The following SLC1A3 variants were observed in gnomAD, a reference collection of about 807,000 sequenced individuals.
The protein encoded by SLC1A3 is solute carrier family 1 member 3, also known as excitatory amino acid transporter 1.
In SLC1A3, 21 loss-of-function variants were observed where a neutral mutation model predicts 48.1. The observed-to-expected ratio is 0.44, with a 90% CI of 0.31 to 0.63. SLC1A3 has a LOEUF of 0.63. SLC1A3 is among the 20% of genes least tolerant of loss of function. SLC1A3 has a pLI of 0.08. For missense variants in SLC1A3, 546 were observed against 689.0 expected, an observed-to-expected ratio of 0.79 and a Z score of 2.32; for synonymous variants, 239 against 251.4, an observed-to-expected ratio of 0.95 and a Z score of 0.47.
chr5:36,622,778 G>A (rs1044134412), intron 2 of SLC1A3, among the ~76,000 whole-genome samples: 6 of 152,224 alleles, frequency 3.9e-5, no homozygotes, highest in Admixed American at 6.5e-5. Context: ...TTGGGAGGCC[G>A]AGGTGGGCAG....
At chr5:36,607,461 T>G (rs1045562564) in intron 1 of SLC1A3, 3 of 152,226 alleles carry the variant, frequency 2.0e-5, no homozygotes, top group African/African-American at 7.2e-5. Context: ...GCGTGAGTGC[T>G]TTAAAGAAAC....
intron 4 of SLC1A3, among the ~76,000 whole-genome samples, chr5:36,673,294 G>T (rs2111939917): frequency 1.3e-5 from 2 of 152,234 alleles, no homozygotes; most frequent in Middle Eastern, 3.4e-3. Context: ...TTTCATCTTG[G>T]AGCTCTAATG....
intron 2 of SLC1A3, among the ~76,000 whole-genome samples, chr5:36,619,294 A>C (rs1470053021): frequency 2.6e-5 from 4 of 152,232 alleles, no homozygotes; most frequent in African/African-American, 9.6e-5. Flanking sequence ...AGGGACCAGC[A>C]GAACTCTTAC....
At chr5:36,674,182 G>A (rs1742109464) in intron 5 of SLC1A3, 91 bp downstream of exon 5, 4 of 1,029,394 alleles carry the variant, frequency 3.9e-6, no homozygotes, top group Non-Finnish European at 6.1e-6. Context: ...TCATTTCTCT[G>A]CTATAAGAAA....
In SLC1A3 at chr5:36,637,642, T is replaced by G. The variant is rs377518227; in HGVS notation, c.319+8055T>G. On this transcript the variant is annotated intron_variant, in intron 3 of 9. Transcript: ENST00000265113. The stretch of plus-strand genomic sequence containing the variant: ...TTCAGAATGCTGTGGAACTGCAGGT[T>G]TCTTCTGCTGATATCATGGTTTCCA... Among the ~76,000 whole-genome samples the G allele has an allele frequency of 4.3e-4, 65 of 152,326 alleles. 1 individual carries two copies. Among genetic ancestry groups the G allele is most frequent in the African/African-American group, 1.4e-3 (60 of 41,584 alleles).
intron 3 of SLC1A3, chr5:36,668,367 T>C (rs1324725934): frequency 6.6e-6 from 1 of 152,296 alleles, no homozygotes; most frequent in African/African-American, 2.4e-5. Context: ...TTAAGGCCAT[T>C]GTGTGTGAAC....
Position 36,674,503 on chromosome 5 carries a change from G to GT in SLC1A3, c.567+423dup, listed in dbSNP as rs11361098. 1.1e-3 allele frequency among the ~76,000 whole-genome samples: 164 copies of GT among 147,474 alleles called. 1 individual carries two copies. In the East Asian group the frequency reaches 0.024, roughly 22 times the overall value. The stretch of plus-strand genomic sequence containing the variant: ...GGTTTGATTTAAATATCAATGGACT[G>GT]TTTTTTTTTTTCAAGTCTACCAAGC... On this transcript the variant is annotated intron_variant, in intron 5 of 9. Transcript: ENST00000265113.
intron 3 of SLC1A3, among the ~76,000 whole-genome samples, chr5:36,639,215 T>A (rs1014992170): frequency 6.6e-6 from 1 of 151,986 alleles, no homozygotes; most frequent in African/African-American, 2.4e-5. Context: ...TCTCTCTGCC[T>A]CAGTTTCTTT....
At chr5:36,677,206 A>G (rs1202554037) in intron 6 of SLC1A3, 22 bp downstream of exon 6, 4 of 1,595,424 alleles carry the variant, frequency 2.5e-6, no homozygotes, top group African/African-American at 2.7e-5. Context: ...CATTTTCTAT[A>G]TATGTTATAT....
Position 36,680,476 on chromosome 5 carries a change from C to T in SLC1A3, c.1176C>T (p.Pro392=), listed in dbSNP as rs530745234. The part of the protein sequence containing the change: ...VDKRVTRFVL[P]VGATINMDGT... ...AGCGCGTCACCAGATTCGTGCTCCC[C>T]GTAGGAGCCACCATTAACATGGATG... The change falls in exon 8 of 10, where the codon CCC becomes CCT. Residue 392 remains proline (P), a synonymous_variant. Coordinates refer to ENST00000265113, the MANE Select transcript of SLC1A3 (RefSeq NM_004172.5). 36 of 1,613,962 alleles carry T rather than the reference C, an allele frequency of 2.2e-5. No individual in the cohort carries two copies. In the East Asian group the frequency reaches 3.1e-4, roughly 14 times the overall value.
At chr5:36,624,708 G>A (rs888754996) in intron 2 of SLC1A3, among the ~76,000 whole-genome samples, 12 of 152,214 alleles carry the variant, frequency 7.9e-5, no homozygotes, top group African/African-American at 2.9e-4. Flanking sequence ...CGTTACTACC[G>A]ATGGTTTCTA....
At chr5:36,653,757 G>A (rs533836562) in intron 3 of SLC1A3, among the ~76,000 whole-genome samples, 2 of 152,342 alleles carry the variant, frequency 1.3e-5, no homozygotes, top group East Asian at 3.9e-4. Flanking sequence ...TAGAGCTCCT[G>A]AGAGTGGCAT....
chr5:36,664,429 G>A (rs553401559), intron 3 of SLC1A3, among the ~76,000 whole-genome samples: 147 of 42,498 alleles, frequency 3.5e-3, no homozygotes, highest in Non-Finnish European at 0.014. Context: ...CACCATGCCC[G>A]GCCCATTGGC....
At position 36,680,585 on chromosome 5, in the gene SLC1A3, A is replaced by G. The variant is rs1391192851; in HGVS notation, c.1285A>G (p.Ile429Val). 8 of 1,612,952 alleles carry G rather than the reference A, an allele frequency of 5.0e-6. No individual in the cohort carries two copies. In the Admixed American group the frequency reaches 1.3e-4, roughly 27 times the overall value. The change falls in exon 8 of 10, where the codon ATC becomes GTC. Residue 429 changes from isoleucine to valine, a missense_variant. Ile to Val is a conservative substitution (Grantham distance 29, BLOSUM62 3). Around this residue, in one of 3 missense-constraint regions of SLC1A3, gnomAD observed 142 missense variants for 238.0 expected, o/e 0.60. Coordinates refer to ENST00000265113, the MANE Select transcript of SLC1A3 (RefSeq NM_004172.5). ...FELNFGQIIT[I>V]SITATAASIG... ...ACTGAACTTCGGACAAATTATTACA[A>G]TCAGGTACAAGGAAAGAGTTCTATA...
chr5:36,633,733 C>A (rs1370081628), intron 3 of SLC1A3, among the ~76,000 whole-genome samples: 3 of 152,184 alleles, frequency 2.0e-5, no homozygotes, highest in Non-Finnish European at 4.4e-5. Context: ...TTTCATGACA[C>A]AGCATCTCCA....
intron 3 of SLC1A3, among the ~76,000 whole-genome samples, chr5:36,661,377 A>T (rs924492006): frequency 6.6e-6 from 1 of 152,250 alleles, no homozygotes; most frequent in Non-Finnish European, 1.5e-5. Flanking sequence ...ATGCCACTGC[A>T]CTCCAGCCTG....
intron 3 of SLC1A3, 111 bp downstream of exon 3, chr5:36,629,698 A>AT: frequency 8.9e-6 from 8 of 896,780 alleles, no homozygotes; most frequent in East Asian, 2.4e-5. Context: ...GCTCTGTTCT[A>AT]GAAAAAAAAA....
rs200054109 is a variant in SLC1A3, at chr5:36,684,021, C to T, written c.1424+23C>T. 2.5e-6 allele frequency: 4 copies of T among 1,614,080 alleles called. No individual in the cohort carries two copies. The East Asian group carries it at 8.9e-5, about 36-fold the overall frequency. ...CCTGTGAGTATGCTTGGCCTGCATT[C>T]CAGCTCACTGTCACAGGGTCCCCCT... On this transcript the variant is annotated intron_variant, in intron 9 of 9. Transcript: ENST00000265113.
chr5:36,673,809 C>T (rs772127293), intron 4 of SLC1A3, among the ~76,000 whole-genome samples: 1 of 152,080 alleles, frequency 6.6e-6, no homozygotes, highest in African/African-American at 2.4e-5. Flanking sequence ...GTGAAGAACC[C>T]CATTGGCTGA....
Sources: gnomAD v4.1 joint callset for allele counts (sites outside exome capture counted in the v4.1 genomes callset) on GRCh38, gnomAD v4.1.1 for gene constraint, gnomAD v4.1.1 regional missense constraint, MANE v1.5 for transcripts, NCBI Gene and HGNC (gene_info 2026-07-23, HGNC 2026-07-21) for gene names.